Variants in SLC39A12 observed in about 807,000 individuals in gnomAD.
SLC39A12 encodes solute carrier family 39 member 12.
SLC39A12 carries 63 observed loss-of-function variants against 71.1 expected under a neutral mutation model. The ratio of observed to expected loss-of-function variants is 0.89; its 90% CI spans 0.72 to 1.09. SLC39A12 has a LOEUF of 1.09. Ranked by LOEUF, SLC39A12 falls within the 50% of genes least tolerant of loss-of-function variation. The pLI is 0.00. For synonymous variants in SLC39A12, 351 were observed against 301.3 expected, an observed-to-expected ratio of 1.16 and a Z score of -1.71; for missense variants, 892 against 812.6, an observed-to-expected ratio of 1.10 and a Z score of -1.19.
At chr10:17,999,314 A>G (rs906498210) in intron 10 of SLC39A12, among the ~76,000 whole-genome samples, 2 of 151,406 alleles carry the variant, frequency 1.3e-5, no homozygotes, top group African/African-American at 4.8e-5. Flanking sequence ...AAAAAAAAAA[A>G]AAAAGGAAGC....
At chr10:18,029,176 C>T (rs1836766997) in intron 12 of SLC39A12, among the ~76,000 whole-genome samples, 1 of 152,186 alleles carries the variant, frequency 6.6e-6, no homozygotes, top group Non-Finnish European at 1.5e-5. Flanking sequence ...CAGCCCAAAA[C>T]ATTTTCTTAA....
chr10:17,976,929 A>G (rs1835124682), intron 4 of SLC39A12, among the ~76,000 whole-genome samples: 1 of 152,094 alleles, frequency 6.6e-6, no homozygotes, highest in South Asian at 2.1e-4. Context: ...CTGCTAATAT[A>G]TATACATTGG....
At position 18,041,611 on chromosome 10, in the gene SLC39A12, GTA is replaced by G. The variant is rs1837232394; in HGVS notation, c.1948-1089_1948-1088del. 2.0e-4 allele frequency among the ~76,000 whole-genome samples: 26 copies of G among 129,776 alleles called. 1 individual carries two copies. The highest frequency in any genetic ancestry group is 1.8e-3 in the Admixed American group (23 of 12,584). The allele number at this position is 129,776 out of a possible 152,430, so 85.1% of individuals were successfully genotyped here. ...ACACCATATATATGTGTATATATAT[GTA>G]TATACATATGTATATATGTGTATAT... On this transcript the variant is annotated intron_variant, in intron 12 of 12. Coordinates refer to ENST00000377369, the MANE Select transcript of SLC39A12 (RefSeq NM_001145195.2).
At chr10:17,988,538 A>C (rs1027826951) in intron 7 of SLC39A12, among the ~76,000 whole-genome samples, 1 of 152,118 alleles carries the variant, frequency 6.6e-6, no homozygotes, top group African/African-American at 2.4e-5. Flanking sequence ...TCTTTTCTTT[A>C]TAGGTTATCC....
intron 12 of SLC39A12, among the ~76,000 whole-genome samples, chr10:18,013,611 A>G (rs1836296068): frequency 6.6e-6 from 1 of 152,086 alleles, no homozygotes; most frequent in African/African-American, 2.4e-5. Flanking sequence ...GCTTCAAGTG[A>G]TCCTCTTGCC....
chr10:18,006,262 G>A (rs1836013885), intron 12 of SLC39A12, among the ~76,000 whole-genome samples: 1 of 152,186 alleles, frequency 6.6e-6, no homozygotes, highest in African/African-American at 2.4e-5. Flanking sequence ...AGACATAAAT[G>A]AGGCCATTAG....
intron 9 of SLC39A12, among the ~76,000 whole-genome samples, chr10:17,993,634 A>T (rs948442640): frequency 2.0e-5 from 3 of 152,200 alleles, no homozygotes; most frequent in African/African-American, 7.2e-5. Flanking sequence ...CTTAGCCATG[A>T]CTAGGTGGAT....
intron 5 of SLC39A12, among the ~76,000 whole-genome samples, chr10:17,978,646 A>G (rs1589228262): frequency 6.6e-6 from 1 of 152,168 alleles, no homozygotes; most frequent in Non-Finnish European, 1.5e-5. Flanking sequence ...TGAATAAAGA[A>G]TAATTCATTT....
chr10:18,016,149 G>A (rs1474951780), intron 12 of SLC39A12, among the ~76,000 whole-genome samples: 3 of 152,032 alleles, frequency 2.0e-5, no homozygotes, highest in Non-Finnish European at 2.9e-5. Context: ...TGTATCATAC[G>A]GAATAGTTGC....
chr10:18,030,253 C>G (rs1464462858), intron 12 of SLC39A12, among the ~76,000 whole-genome samples: 3 of 151,780 alleles, frequency 2.0e-5, no homozygotes, highest in South Asian at 4.2e-4. Flanking sequence ...AGCTTGCAAA[C>G]TTAGTCTTTT....
At chr10:18,032,839 A>T (rs1190510282) in intron 12 of SLC39A12, among the ~76,000 whole-genome samples, 6 of 145,498 alleles carry the variant, frequency 4.1e-5, no homozygotes, top group Non-Finnish European at 7.5e-5. Context: ...TACCTAATTT[A>T]TTGAGAGTTT....
At chr10:18,014,322 T>A (rs1836318118) in intron 12 of SLC39A12, among the ~76,000 whole-genome samples, 1 of 152,164 alleles carries the variant, frequency 6.6e-6, no homozygotes, top group African/African-American at 2.4e-5. Context: ...TTTGCTAAAT[T>A]TATATATTTG....
At chr10:17,955,197 G>A (rs1369242086) in intron 2 of SLC39A12, among the ~76,000 whole-genome samples, 1 of 152,118 alleles carries the variant, frequency 6.6e-6, no homozygotes, top group Non-Finnish European at 1.5e-5. Flanking sequence ...CCATTTTCAG[G>A]GCTGGGGGAA....
chr10:18,008,133 C>T (rs973992045), intron 12 of SLC39A12, among the ~76,000 whole-genome samples: 2 of 152,192 alleles, frequency 1.3e-5, no homozygotes, highest in African/African-American at 4.8e-5. Flanking sequence ...GAGTTCTCAA[C>T]CCCTGGTCCT....
At chr10:17,977,065 A>G (rs1305443907) in intron 4 of SLC39A12, among the ~76,000 whole-genome samples, 1 of 151,906 alleles carries the variant, frequency 6.6e-6, no homozygotes, top group Non-Finnish European at 1.5e-5. Flanking sequence ...TGCCCTCTCA[A>G]ATATGCTGTT....
At chr10:17,987,739 A>C in intron 7 of SLC39A12, 88 bp downstream of exon 7, 1 of 1,367,986 alleles carries the variant, frequency 7.3e-7, no homozygotes, top group Non-Finnish European at 1.0e-6. Flanking sequence ...AATTTTACTG[A>C]GACTTCAAAG....
intron 10 of SLC39A12, among the ~76,000 whole-genome samples, chr10:17,997,360 C>T (rs1424116396): frequency 1.3e-5 from 2 of 152,062 alleles, no homozygotes; most frequent in African/African-American, 4.8e-5. Context: ...TTTATTTATT[C>T]GATTCAAAAT....
chr10:17,961,503 C>A (rs1373404781), intron 2 of SLC39A12, 78 bp from the exon 3 acceptor site: 3 of 1,366,576 alleles, frequency 2.2e-6, no homozygotes, highest in Non-Finnish European at 1.0e-6. Context: ...GCAATGAAGA[C>A]CCTGGTGGTC....
chr10:17,961,163 A>G (rs1834678520), intron 2 of SLC39A12, among the ~76,000 whole-genome samples: 1 of 152,212 alleles, frequency 6.6e-6, no homozygotes, highest in African/African-American at 2.4e-5. Flanking sequence ...TTGACATAAA[A>G]TCACAGGGGC....
Sources: allele counts gnomAD v4.1 joint callset (sites outside exome capture counted in the v4.1 genomes callset), GRCh38; gene constraint gnomAD v4.1.1; transcripts MANE v1.5; gene names NCBI Gene and HGNC (gene_info 2026-07-23, HGNC 2026-07-21).